SESN1: variants seen among roughly 807,000 people sequenced by gnomAD.
SESN1 encodes sestrin-1.
SESN1 carries 30 observed loss-of-function variants against 59.3 expected under a neutral mutation model. That is an observed-to-expected ratio of 0.51 (90% CI 0.38 to 0.69). The LOEUF (loss-of-function observed/expected upper bound fraction) is 0.69, where lower values mean the gene tolerates loss of function less well. Ranked by LOEUF, SESN1 falls within the 30% of genes least tolerant of loss-of-function variation. The pLI is 0.00. For missense variants in SESN1, 566 were observed against 673.0 expected, an observed-to-expected ratio of 0.84 and a Z score of 1.76; for synonymous variants, 197 against 219.9, an observed-to-expected ratio of 0.90 and a Z score of 0.92.
At position 109,085,911 on chromosome 6, in the gene SESN1, C is replaced by A. The variant is rs1583301077; in HGVS notation, c.279+7884G>T. On this transcript the variant is annotated intron_variant, in intron 1 of 9. Coordinates refer to ENST00000436639, the MANE Select transcript of SESN1 (RefSeq NM_014454.3). ...GACCAGCATCAACTCTGTTCTTCCA[C>A]AAATTCTAAGATTTTTCTCATGTCT... is the stretch of plus-strand genomic sequence containing the variant. Among the ~76,000 whole-genome samples, 4 of 152,306 alleles carry A rather than the reference C, an allele frequency of 2.6e-5. No individual in the cohort carries two copies. In the East Asian group the frequency reaches 7.7e-4, roughly 29 times the overall value.
At chr6:109,057,320 G>A (rs1583289971) in intron 1 of SESN1, among the ~76,000 whole-genome samples, 1 of 152,176 alleles carries the variant, frequency 6.6e-6, no homozygotes. Flanking sequence ...GATACGTGAA[G>A]GTACAACAGA....
At chr6:109,093,682 C>T in intron 1 of SESN1, 113 bp downstream of exon 1, 3 of 1,093,240 alleles carry the variant, frequency 2.7e-6, no homozygotes, top group Non-Finnish European at 3.9e-6. Flanking sequence ...AAGATGTAAA[C>T]TCATAATAAA....
At position 109,000,586 on chromosome 6, in the gene SESN1, C is replaced by T. The variant is rs747056609; in HGVS notation, c.634G>A (p.Gly212Ser). 55 of 1,612,446 alleles carry T rather than the reference C, an allele frequency of 3.4e-5. No homozygotes were observed. The highest frequency in any genetic ancestry group is 4.6e-5 in the Non-Finnish European group (54 of 1,179,160). The change falls in exon 4 of 10, where the codon GGT becomes AGT. Residue 212 changes from glycine to serine, a missense_variant. Coordinates refer to ENST00000436639, the MANE Select transcript of SESN1 (RefSeq NM_014454.3). ...AGTTTTTGAGGAGCATTCTCTAAAC[C>T]ATTGAGCCACTTGGGGTCCCCACCA... ...HVGGDPKWLN[G>S]LENAPQKLQN...
intron 1 of SESN1, among the ~76,000 whole-genome samples, chr6:109,051,287 T>C (rs1056260733): frequency 6.6e-6 from 1 of 152,100 alleles, no homozygotes; most frequent in Non-Finnish European, 1.5e-5. Flanking sequence ...CAGAATATTA[T>C]AAAGATTTTT....
intron 1 of SESN1, among the ~76,000 whole-genome samples, chr6:109,088,921 G>C (rs1781263004): frequency 6.6e-6 from 1 of 152,190 alleles, no homozygotes. Flanking sequence ...AAGTCTTACT[G>C]ATCTTCAAGT....
At position 109,039,856 on chromosome 6, in the gene SESN1, G is replaced by A. The variant is rs574069970; in HGVS notation, c.280-37513C>T. 1.8e-4 allele frequency among the ~76,000 whole-genome samples: 28 copies of A among 152,296 alleles called. No individual in the cohort carries two copies. The South Asian group carries it at 5.8e-3, about 32-fold the overall frequency. The stretch of plus-strand genomic sequence containing the variant: ...AAATAAGTTAGTGAAGTGAATTATT[G>A]TGGCTTCAACTCTGAAAAGGAAGCA... On this transcript the variant is annotated intron_variant, in intron 1 of 9. Transcript: ENST00000436639.
In SESN1 at chr6:108,988,536, C is replaced by A; in HGVS notation, c.1569+7G>T. ...TACAAAGTAAATAAGCCACAATAGG[C>A]ACATACCTTCTCAGAGTGCTTGAAC... On this transcript the variant is annotated splice_region_variant and intron_variant, in intron 9 of 9. Transcript: ENST00000436639. The A allele has an allele frequency of 6.2e-7, 1 of 1,603,192 alleles. No individual in the cohort carries two copies. Among genetic ancestry groups the A allele is most frequent in the Non-Finnish European group, 8.5e-7 (1 of 1,175,880 alleles).
At chr6:108,989,617 A>C (rs1484091590) in intron 8 of SESN1, among the ~76,000 whole-genome samples, 2 of 151,808 alleles carry the variant, frequency 1.3e-5, no homozygotes, top group East Asian at 3.9e-4. Flanking sequence ...ATATCTCTCT[A>C]TATAGAGAAA....
In SESN1 at chr6:109,000,669, G is replaced by A. The variant is rs745757510; in HGVS notation, c.551C>T (p.Ala184Val). 5.1e-6 allele frequency: 8 copies of A among 1,566,730 alleles called. No individual in the cohort carries two copies. Among genetic ancestry groups the A allele is most frequent in the East Asian group, 4.6e-5 (2 of 43,622 alleles). Residue 184 changes from alanine to valine, a missense_variant, in exon 4 of 10, where the codon GCG (alanine) becomes GTG (valine). Transcript: ENST00000436639. ...HYRHYIGIMA[A>V]ARHQCSYLVN... Reference sequence around the variant, plus strand: ...TAAGTAGGAGCACTGATGTCTTGCCGCAGCCTTAAAACAAAAAGATTATTC... The same window carrying A: ...TAAGTAGGAGCACTGATGTCTTGCCACAGCCTTAAAACAAAAAGATTATTC...
At chr6:108,992,923 G>T (rs760586290) in intron 6 of SESN1, 24 bp from the exon 7 acceptor site, 11 of 1,496,566 alleles carry the variant, frequency 7.4e-6, no homozygotes, top group Non-Finnish European at 1.0e-5. Context: ...CCATTGAAAG[G>T]TTTTTAAAAA....
chr6:109,039,026 A>G lies in SESN1; in HGVS notation c.280-36683T>C, dbSNP rs560301316. On this transcript the variant is annotated intron_variant, in intron 1 of 9. Coordinates refer to ENST00000436639, the MANE Select transcript of SESN1 (RefSeq NM_014454.3). ...AAAGAAGAAAGAGAAAGAAAGAAAA[A>G]GAGAAAGAAAGAAGAAGGAGGGAGA... 3.6e-5 allele frequency among the ~76,000 whole-genome samples: 5 copies of G among 139,852 alleles called. 1 individual carries two copies. In the South Asian group the frequency reaches 1.2e-3, roughly 33 times the overall value. 91.7% of individuals were successfully genotyped at this position (139,852 alleles called of 152,430 possible).
At chr6:108,991,514 T>C (rs1779383512) in intron 7 of SESN1, among the ~76,000 whole-genome samples, 1 of 152,182 alleles carries the variant, frequency 6.6e-6, no homozygotes, top group South Asian at 2.1e-4. Flanking sequence ...AGTGCTGGGA[T>C]TACACGTGGG....
intron 1 of SESN1, among the ~76,000 whole-genome samples, chr6:109,017,376 C>T (rs1487950400): frequency 6.6e-6 from 1 of 152,126 alleles, no homozygotes; most frequent in Non-Finnish European, 1.5e-5. Context: ...AGCTCCACTG[C>T]CCGGGTTCAC....
intron 1 of SESN1, among the ~76,000 whole-genome samples, chr6:109,016,833 A>C (rs1424653608): frequency 2.0e-5 from 3 of 152,214 alleles, no homozygotes; most frequent in African/African-American, 7.2e-5. Context: ...TTTTGCTTGT[A>C]GTAATAGAGA....
chr6:109,069,933 T>C (rs1032706769), intron 1 of SESN1, among the ~76,000 whole-genome samples: 1 of 152,176 alleles, frequency 6.6e-6, no homozygotes, highest in African/African-American at 2.4e-5. Flanking sequence ...TTAAAAAATG[T>C]GATGAAACCA....
intron 6 of SESN1, among the ~76,000 whole-genome samples, chr6:108,993,867 G>T (rs1405976916): frequency 6.6e-6 from 1 of 151,844 alleles, no homozygotes; most frequent in Non-Finnish European, 1.5e-5. Context: ...GGTACAAACT[G>T]CCGTGCCCAA....
chr6:109,045,760 C>A (rs901041649), intron 1 of SESN1, among the ~76,000 whole-genome samples: 1 of 152,118 alleles, frequency 6.6e-6, no homozygotes, highest in African/African-American at 2.4e-5. Context: ...TAGTATATAC[C>A]ATAACTGCCT....
At chr6:109,018,811 G>A (rs1198331326) in intron 1 of SESN1, among the ~76,000 whole-genome samples, 1 of 152,056 alleles carries the variant, frequency 6.6e-6, no homozygotes, top group Non-Finnish European at 1.5e-5. Flanking sequence ...TAATTTCAGG[G>A]ATGACTTCTA....
Position 108,991,377 on chromosome 6 carries a change from G to A in SESN1, c.1234-542C>T, listed in dbSNP as rs549571323. 5.6e-4 allele frequency among the ~76,000 whole-genome samples: 86 copies of A among 152,262 alleles called. 1 individual carries two copies. The South Asian group carries it at 6.4e-3, about 11-fold the overall frequency. On this transcript the variant is annotated intron_variant, in intron 7 of 9. Coordinates refer to ENST00000436639, the MANE Select transcript of SESN1 (RefSeq NM_014454.3). ...CCTGCCTCAGCCTCCTGAGTAACTG[G>A]AACTATAGGCACAGGCCACCTTGCT...
Sources: gnomAD v4.1 joint callset for allele counts (sites outside exome capture counted in the v4.1 genomes callset) on GRCh38, gnomAD v4.1.1 for gene constraint, MANE v1.5 for transcripts, NCBI Gene and HGNC (gene_info 2026-07-23, HGNC 2026-07-21) for gene names.